Variants in ACYP2 observed in about 807,000 individuals in gnomAD.
ACYP2 encodes the protein acylphosphatase 2.
ACYP2 carries 12 observed loss-of-function variants against 11.2 expected under a neutral mutation model. That is an observed-to-expected ratio of 1.08 (90% CI 0.69 to 1.74). ACYP2 has a LOEUF of 1.74. ACYP2 is among the 40% of genes most tolerant of loss of function. The pLI, the probability that ACYP2 is intolerant of heterozygous loss-of-function variation, is 0.00. For missense variants in ACYP2, 134 were observed against 101.9 expected (o/e 1.31, Z -1.35); for synonymous variants, 43 against 32.2 (o/e 1.33, Z -1.13).
At chr2:54,251,498 T>C (rs1207066513) in intron 6 of ACYP2, among the ~76,000 whole-genome samples, 4 of 152,202 alleles carry the variant, frequency 2.6e-5, no homozygotes, top group Non-Finnish European at 5.9e-5. Flanking sequence ...TACTTACTTA[T>C]CCAGCACCCA....
chr2:54,027,316 C>A (rs1327994552), intron 2 of ACYP2, among the ~76,000 whole-genome samples: 2 of 152,078 alleles, frequency 1.3e-5, no homozygotes, highest in Non-Finnish European at 2.9e-5. Context: ...CTTGGAGGGT[C>A]ACTCTCTGGC....
rs1459660012 is a variant in ACYP2 at position 53,986,853 on chromosome 2, G to A, written c.62+13043G>A. 3.9e-5 allele frequency among the ~76,000 whole-genome samples: 6 copies of A among 151,996 alleles called. No homozygotes were observed. The East Asian group carries it at 1.2e-3, about 29-fold the overall frequency. Reference sequence around the variant, plus strand: ...TTGGCCAGGCTGGTCTTGAACTCCTGACCTCAGGTGATCCACCTGCCTTGG... The same window carrying A: ...TTGGCCAGGCTGGTCTTGAACTCCTAACCTCAGGTGATCCACCTGCCTTGG... On this transcript the variant is annotated intron_variant, in intron 2 of 6. Transcript: ENST00000607452.
intron 6 of ACYP2, among the ~76,000 whole-genome samples, chr2:54,227,842 C>T (rs1429219112): frequency 1.3e-5 from 2 of 152,140 alleles, no homozygotes; most frequent in Non-Finnish European, 2.9e-5. Flanking sequence ...GGAACTGAAT[C>T]ATGTAAATCA....
chr2:54,127,373 C>T (rs1450240144), intron 4 of ACYP2, among the ~76,000 whole-genome samples: 2 of 152,164 alleles, frequency 1.3e-5, no homozygotes, highest in Non-Finnish European at 2.9e-5. Context: ...TCCTACCATG[C>T]ACATAATTAT....
At chr2:54,230,292 GCTAT>G (rs1403977290) in intron 6 of ACYP2, among the ~76,000 whole-genome samples, 3 of 152,174 alleles carry the variant, frequency 2.0e-5, no homozygotes, top group East Asian at 1.9e-4. Context: ...TCTGAAGTCT[GCTAT>G]CTGAGAGCTT....
At chr2:53,985,419 C>T (rs1226359037) in intron 2 of ACYP2, among the ~76,000 whole-genome samples, 1 of 151,974 alleles carries the variant, frequency 6.6e-6, no homozygotes, top group Non-Finnish European at 1.5e-5. Flanking sequence ...AAAGGGGATC[C>T]TGCTTCATGT....
intron 6 of ACYP2, among the ~76,000 whole-genome samples, chr2:54,295,242 C>T (rs1689478910): frequency 1.3e-5 from 2 of 152,184 alleles, no homozygotes; most frequent in Non-Finnish European, 2.9e-5. Flanking sequence ...GAACCAATTG[C>T]ACAAGTAAAC....
intron 4 of ACYP2, among the ~76,000 whole-genome samples, chr2:54,117,810 G>A (rs566967203): frequency 1.3e-5 from 2 of 152,238 alleles, no homozygotes; most frequent in South Asian, 2.1e-4. Context: ...AACAGGTGGT[G>A]TTTGATTACA....
rs149072827 is a variant in ACYP2 at position 54,168,288 on chromosome 2, G to A, written c.404+29540G>A. Among the ~76,000 whole-genome samples, 1,126 of 152,020 alleles carry A rather than the reference G, an allele frequency of 7.4e-3. 3 individuals carry two copies. The highest frequency in any genetic ancestry group is 0.013 in the Non-Finnish European group (867 of 67,970). On this transcript the variant is annotated intron_variant, in intron 6 of 6. Transcript: ENST00000607452. ...AAAAAAATAAAAAAATCACCCAGGC[G>A]TGGTGGTACATGCCTGTAATCCCAG...
At chr2:54,089,712 C>G (rs1229855001) in intron 4 of ACYP2, among the ~76,000 whole-genome samples, 1 of 152,110 alleles carries the variant, frequency 6.6e-6, no homozygotes, top group African/African-American at 2.4e-5. Context: ...TGCACTCCAG[C>G]CTGGGCAACA....
At chr2:54,115,458 G>A in intron 4 of ACYP2, 157 bp from the exon 1 acceptor site, 4 of 1,028,180 alleles carry the variant, frequency 3.9e-6, no homozygotes, top group Non-Finnish European at 4.1e-6. Flanking sequence ...GGGAAGAGAG[G>A]CCTAGGATGC....
intron 6 of ACYP2, among the ~76,000 whole-genome samples, chr2:54,246,566 A>G (rs903199357): frequency 1.3e-5 from 2 of 152,138 alleles, no homozygotes; most frequent in African/African-American, 4.8e-5. Flanking sequence ...TGATATAATA[A>G]TTCTCTATCG....
At chr2:54,167,371 T>C (rs1450399790) in intron 6 of ACYP2, among the ~76,000 whole-genome samples, 1 of 152,188 alleles carries the variant, frequency 6.6e-6, no homozygotes, top group Non-Finnish European at 1.5e-5. Flanking sequence ...CTCTGATACA[T>C]TTATAATCAT....
intron 6 of ACYP2, among the ~76,000 whole-genome samples, chr2:54,263,214 G>C (rs902502046): frequency 6.6e-6 from 1 of 152,140 alleles, no homozygotes; most frequent in Non-Finnish European, 1.5e-5. Flanking sequence ...GAAGGCAAAG[G>C]GGCAACAGGC....
At chr2:54,168,460 T>C (rs1683096914) in intron 6 of ACYP2, among the ~76,000 whole-genome samples, 1 of 151,408 alleles carries the variant, frequency 6.6e-6, no homozygotes, top group Admixed American at 6.6e-5. Flanking sequence ...TAGAATAAAA[T>C]AAAATAATAA....
At chr2:54,106,836 G>A (rs901316873) in intron 4 of ACYP2, among the ~76,000 whole-genome samples, 11 of 151,926 alleles carry the variant, frequency 7.2e-5, no homozygotes, top group South Asian at 6.2e-4. Flanking sequence ...GCCCCCCCTC[G>A]GCCTCCCAAA....
At chr2:54,055,402 A>G (rs557637294) in intron 3 of ACYP2, among the ~76,000 whole-genome samples, 48 of 152,348 alleles carry the variant, frequency 3.2e-4, no homozygotes, top group African/African-American at 1.1e-3. Flanking sequence ...TATTTATAGT[A>G]ATTCCATTAC....
chr2:54,087,946 T>G (rs1056409340), intron 4 of ACYP2, among the ~76,000 whole-genome samples: 1 of 152,212 alleles, frequency 6.6e-6, no homozygotes, highest in Admixed American at 6.5e-5. Context: ...AGTTAGATTA[T>G]GCAAAGATGG....
chr2:54,279,187 A>T (rs1688740120), intron 6 of ACYP2, among the ~76,000 whole-genome samples: 1 of 152,342 alleles, frequency 6.6e-6, no homozygotes. Context: ...CATCGTGGAG[A>T]TCGTTTAGAC....
Sources: gnomAD v4.1 joint callset for allele counts (sites outside exome capture counted in the v4.1 genomes callset) on GRCh38, gnomAD v4.1.1 for gene constraint, MANE v1.5 for transcripts, NCBI Gene and HGNC (gene_info 2026-07-23, HGNC 2026-07-21) for gene names.